SMURF2: variants seen among roughly 807,000 people sequenced by gnomAD.
SMURF2 encodes SMAD specific E3 ubiquitin protein ligase 2, also known as E3 ubiquitin-protein ligase SMURF2.
Under a neutral mutation model 109.6 loss-of-function variants are expected in SMURF2, and 48 were observed. The observed-to-expected ratio is 0.44, with a 90% CI of 0.35 to 0.56. The LOEUF (loss-of-function observed/expected upper bound fraction) is 0.56. SMURF2 is among the 20% of genes least tolerant of loss of function. The pLI, the probability that SMURF2 is intolerant of heterozygous loss-of-function variation, is 0.01. For missense variants in SMURF2, 575 were observed against 909.0 expected (o/e 0.63, Z 4.72); for synonymous variants, 288 against 317.1 (o/e 0.91, Z 0.97).
At position 64,542,420 on chromosome 17, in the gene SMURF2, G is replaced by A. The variant is rs1968886819; in HGVS notation, c.*3428C>T. ...GATAAAGCTCATGTAACAAATGAAT[G>A]AAAATACAAAGAATATCAAAGCTAA... On this transcript the variant is annotated 3_prime_UTR_variant, in exon 19 of 19. Transcript: ENST00000262435. 1.3e-5 allele frequency: 2 copies of A among 152,010 alleles called. No homozygotes were observed. The highest frequency in any genetic ancestry group is 2.9e-5 in the Non-Finnish European group (2 of 67,992). The allele number at this position is 152,010 out of a possible 1,614,324, so 9.4% of individuals were successfully genotyped here.
At chr17:64,562,035 C>T (rs1969227065) in intron 11 of SMURF2, among the ~76,000 whole-genome samples, 1 of 151,754 alleles carries the variant, frequency 6.6e-6, no homozygotes, top group Non-Finnish European at 1.5e-5. Flanking sequence ...TGGCTCATGC[C>T]TGTAATCCCA....
Position 64,545,793 on chromosome 17 carries a change from G to A in SMURF2, c.*55C>T, listed in dbSNP as rs1191708222. ...ATATTCTTTGAAACTCTGCTGAAAG[G>A]AGGCTGTCAGTCAGGGTTGTATAAA... On this transcript the variant is annotated 3_prime_UTR_variant, in exon 19 of 19. Transcript: ENST00000262435. 2.2e-6 allele frequency: 2 copies of A among 898,918 alleles called. No homozygotes were observed. The highest frequency in any genetic ancestry group is 3.3e-5 in the African/African-American group (2 of 61,132). 55.7% of individuals were successfully genotyped at this position (898,918 alleles called of 1,614,324 possible).
chr17:64,594,897 G>A lies in SMURF2; in HGVS notation c.201-1324C>T, dbSNP rs556768867. ...CCCAGCTACTTGGGAGGCTGAGGCA[G>A]GAGAATCACTTGAACCCGGGAGGCG... is the stretch of plus-strand genomic sequence containing the variant. On this transcript the variant is annotated intron_variant, in intron 3 of 18. Coordinates refer to ENST00000262435, the MANE Select transcript of SMURF2 (RefSeq NM_022739.4). 8.5e-5 allele frequency among the ~76,000 whole-genome samples: 13 copies of A among 152,224 alleles called. No individual in the cohort carries two copies. In the East Asian group the frequency reaches 1.4e-3, roughly 16 times the overall value.
At position 64,571,809 on chromosome 17, in the gene SMURF2, A is replaced by G; in HGVS notation, c.1005T>C (p.His335=). The G allele has an allele frequency of 6.2e-7, 1 of 1,608,286 alleles. No individual in the cohort carries two copies. The part of the protein sequence containing the change: ...FTDPRLSANL[H]LVLNRQNQLK... ...TTTCAAAAACTTACTTTAAAACTAA[A>G]TGCAAGTTAGCAGACAGCCGAGGAT... Residue 335 remains histidine (H), a synonymous_variant, in exon 10 of 19, where the codon CAT becomes CAC. Transcript: ENST00000262435.
intron 5 of SMURF2, among the ~76,000 whole-genome samples, 174 bp from the exon 6 acceptor site, chr17:64,586,344 A>T (rs2144645876): frequency 6.6e-6 from 1 of 152,260 alleles, no homozygotes; most frequent in Admixed American, 6.5e-5. Flanking sequence ...TCCCTTTAGG[A>T]GTAATATTAG....
chr17:64,644,026 A>G (rs1186786981), intron 1 of SMURF2, among the ~76,000 whole-genome samples: 1 of 151,898 alleles, frequency 6.6e-6, no homozygotes, highest in African/African-American at 2.4e-5. Flanking sequence ...GGGTTTCACC[A>G]TATCGCCCAG....
intron 1 of SMURF2, among the ~76,000 whole-genome samples, chr17:64,614,291 T>C (rs1555689929): frequency 1.3e-5 from 2 of 152,230 alleles, no homozygotes; most frequent in African/African-American, 4.8e-5. Context: ...ATTAATTCAA[T>C]TAATTTTCAC....
chr17:64,593,620 T>C (rs782607412), intron 3 of SMURF2, 47 bp from the exon 4 acceptor site: 1 of 1,440,454 alleles, frequency 6.9e-7, no homozygotes, highest in East Asian at 2.4e-5. Context: ...TTACAGGCAG[T>C]TGGCGTAAAA....
chr17:64,561,469 A>G (rs1163117231), intron 12 of SMURF2, 31 bp downstream of exon 12: 4 of 1,426,810 alleles, frequency 2.8e-6, no homozygotes, highest in African/African-American at 1.4e-5. Context: ...ACAAAGATCC[A>G]TATGTCATAA....
At chr17:64,572,019 T>C (rs1277841322) in intron 9 of SMURF2, 63 bp from the exon 10 acceptor site, 7 of 1,401,066 alleles carry the variant, frequency 5.0e-6, no homozygotes, top group Non-Finnish European at 6.8e-6. Context: ...CAAGCAAGTG[T>C]AAATGACACA....
chr17:64,587,481 A>G (rs10468563), intron 5 of SMURF2, among the ~76,000 whole-genome samples: 37,743 of 152,094 alleles, frequency 0.25, 9,397 homozygotes, highest in African/African-American at 0.64. Flanking sequence ...CTTCTTTGCC[A>G]CTCCAGTATT....
chr17:64,615,080 C>T (rs1970102750), intron 1 of SMURF2, among the ~76,000 whole-genome samples: 2 of 152,088 alleles, frequency 1.3e-5, no homozygotes, highest in African/African-American at 4.8e-5. Context: ...CAGAGTAAAT[C>T]GCAGCTGTAG....
intron 1 of SMURF2, 57 bp downstream of exon 1, chr17:64,661,772 C>T: frequency 8.4e-7 from 1 of 1,187,642 alleles, no homozygotes; most frequent in Non-Finnish European, 1.0e-6. Flanking sequence ...CCACAGGCAC[C>T]CCCCGCCAGC....
chr17:64,656,979 T>A (rs1970714451), intron 1 of SMURF2, among the ~76,000 whole-genome samples: 1 of 152,180 alleles, frequency 6.6e-6, no homozygotes, highest in Non-Finnish European at 1.5e-5. Flanking sequence ...GTCTAGAGCC[T>A]CACCTCTTGC....
At chr17:64,647,439 G>A (rs1395460271) in intron 1 of SMURF2, among the ~76,000 whole-genome samples, 1 of 152,150 alleles carries the variant, frequency 6.6e-6, no homozygotes, top group South Asian at 2.1e-4. Flanking sequence ...CCAGCACTCT[G>A]GGAGGCTGAA....
chr17:64,632,103 C>T (rs1215752062), intron 1 of SMURF2, among the ~76,000 whole-genome samples: 1 of 151,740 alleles, frequency 6.6e-6, no homozygotes. Flanking sequence ...GGATTACAAT[C>T]GCTCACTACC....
intron 15 of SMURF2, among the ~76,000 whole-genome samples, chr17:64,553,267 G>A (rs2144591811): frequency 6.6e-6 from 1 of 152,164 alleles, no homozygotes; most frequent in South Asian, 2.1e-4. Context: ...AGCACTTTGG[G>A]AGGCTGAGGC....
At chr17:64,590,883 C>T (rs1263913559) in intron 5 of SMURF2, among the ~76,000 whole-genome samples, 1 of 105,748 alleles carries the variant, frequency 9.5e-6, no homozygotes, top group African/African-American at 6.2e-5. Context: ...CAGTTCTTCA[C>T]AAAACTTTTT....
At chr17:64,551,064 G>C (rs550791909) in intron 16 of SMURF2, among the ~76,000 whole-genome samples, 103 of 152,110 alleles carry the variant, frequency 6.8e-4, no homozygotes, top group African/African-American at 2.4e-3. Context: ...CACAATATAA[G>C]AGAGACTGCT....
Sources: gnomAD v4.1 joint callset for allele counts (sites outside exome capture counted in the v4.1 genomes callset) on GRCh38, gnomAD v4.1.1 for gene constraint, MANE v1.5 for transcripts, NCBI Gene and HGNC (gene_info 2026-07-23, HGNC 2026-07-21) for gene names.